Variants in MELK observed in about 807,000 individuals in gnomAD.
MELK encodes the protein maternal embryonic leucine zipper kinase, also known as pEg3 kinase.
In MELK, 81 loss-of-function variants were observed where a neutral mutation model predicts 85.0. The observed-to-expected ratio is 0.95, with a 90% confidence interval of 0.80 to 1.15. The LOEUF is 1.15. Ranked by LOEUF, MELK falls within the 50% of genes most tolerant of loss-of-function variation. The pLI is 0.00. For synonymous variants in MELK, 252 were observed against 265.0 expected (o/e 0.95, Z 0.48); for missense variants, 754 against 777.5 (o/e 0.97, Z 0.36).
intron 14 of MELK, 79 bp from the exon 15 acceptor site, chr9:36,669,231 C>T (rs3780133): frequency 3.4e-6 from 3 of 877,620 alleles, no homozygotes; most frequent in Non-Finnish European, 5.2e-6. Flanking sequence ...AATGTGATAC[C>T]TGCATTATTA....
chr9:36,642,741 A>C (rs1456691953), intron 10 of MELK, among the ~76,000 whole-genome samples: 1 of 152,000 alleles, frequency 6.6e-6, no homozygotes. Flanking sequence ...GTACAACCGA[A>C]CTTTAACAAC....
chr9:36,601,843 T>C (rs72733419), intron 7 of MELK, among the ~76,000 whole-genome samples: 32,542 of 152,204 alleles, frequency 0.21, 4,419 homozygotes, highest in Non-Finnish European at 0.31. Flanking sequence ...TGTGACTGGT[T>C]ATTTCACTTA....
intron 14 of MELK, among the ~76,000 whole-genome samples, chr9:36,668,427 G>A (rs1340333585): frequency 6.6e-6 from 1 of 152,110 alleles, no homozygotes; most frequent in African/African-American, 2.4e-5. Flanking sequence ...GTACAAATTT[G>A]TCATAAACTA....
chr9:36,652,648 T>A (rs142417986), intron 12 of MELK, among the ~76,000 whole-genome samples: 6,920 of 149,902 alleles, frequency 0.046, 209 homozygotes, highest in Non-Finnish European at 0.063. Flanking sequence ...GAGAATCGCT[T>A]GAACCCGAGA....
At chr9:36,643,331 T>C (rs1414653080) in intron 11 of MELK, among the ~76,000 whole-genome samples, 5 of 151,822 alleles carry the variant, frequency 3.3e-5, no homozygotes, top group African/African-American at 9.7e-5. Flanking sequence ...TGCAGTGAGC[T>C]GAGATCACAC....
chr9:36,674,769 C>G, intron 16 of MELK, 65 bp from the exon 17 acceptor site: 1 of 908,986 alleles, frequency 1.1e-6, no homozygotes, highest in East Asian at 2.4e-5. Context: ...AACTCTTGAT[C>G]TGGTGTGATG....
chr9:36,577,950 G>C (rs547994707), intron 1 of MELK, among the ~76,000 whole-genome samples: 70 of 152,206 alleles, frequency 4.6e-4, no homozygotes, highest in South Asian at 3.7e-3. Flanking sequence ...ACTGCGCCTG[G>C]CTGTTTTTTA....
rs750016508 is a variant in MELK, at chr9:36,596,563, GTTT to G, written c.406-653_406-651del. 1.4e-4 allele frequency among the ~76,000 whole-genome samples: 15 copies of G among 106,158 alleles called. 1 individual carries two copies. Among genetic ancestry groups the G allele is most frequent in the African/African-American group, 6.1e-4 (12 of 19,614 alleles). 69.6% of individuals were successfully genotyped at this position (106,158 alleles called of 152,430 possible). ...TGAGCCACTGCGCCCGGCCCTTTTT[GTTT>G]TTTTTGTTTTTTTTGTTTTTTTTGT... On this transcript the variant is annotated intron_variant, in intron 5 of 17. Coordinates refer to ENST00000298048, the MANE Select transcript of MELK (RefSeq NM_014791.4).
rs1267863690 is a variant in MELK at position 36,642,943 on chromosome 9, C to A, written c.835-54C>A. 4 of 1,272,088 alleles carry A rather than the reference C, an allele frequency of 3.1e-6. No individual in the cohort carries two copies. In the East Asian group the frequency reaches 7.7e-5, roughly 25 times the overall value. The allele number at this position is 1,272,088 out of a possible 1,614,324, so 78.8% of individuals were successfully genotyped here. On this transcript the variant is annotated intron_variant, in intron 10 of 17. Transcript: ENST00000298048. Reference sequence around the variant, plus strand: ...TTATGCTGATTTTAAAATGTGAAAACATTGAATATATTTGTAATTTTTTGT... The same window carrying A: ...TTATGCTGATTTTAAAATGTGAAAAAATTGAATATATTTGTAATTTTTTGT...
At chr9:36,584,741 A>G (rs1157274541) in intron 3 of MELK, among the ~76,000 whole-genome samples, 2 of 140,500 alleles carry the variant, frequency 1.4e-5, no homozygotes, top group African/African-American at 2.7e-5. Flanking sequence ...TTTTTTTGAG[A>G]CAGTCTCACT....
rs575650418 is a variant in MELK, at chr9:36,649,783, T to C, written c.922-1963T>C. Among the ~76,000 whole-genome samples, 7 of 151,642 alleles carry C rather than the reference T, an allele frequency of 4.6e-5. No individual in the cohort carries two copies. The South Asian group carries it at 1.5e-3, about 32-fold the overall frequency. On this transcript the variant is annotated intron_variant, in intron 11 of 17. Coordinates refer to ENST00000298048, the MANE Select transcript of MELK (RefSeq NM_014791.4). Reference sequence around the variant, plus strand: ...GACTCTATCTCAAAAAAAGGGAAAATAATGCAAGAAGAAATATTCCAGGCC... The same window carrying C: ...GACTCTATCTCAAAAAAAGGGAAAACAATGCAAGAAGAAATATTCCAGGCC...
chr9:36,614,432 T>TC (rs541151685), intron 8 of MELK, among the ~76,000 whole-genome samples: 2 of 145,436 alleles, frequency 1.4e-5, no homozygotes, highest in Non-Finnish European at 3.0e-5. Context: ...TGGGTTTTTT[T>TC]TTTTTTTTTT....
intron 10 of MELK, among the ~76,000 whole-genome samples, chr9:36,637,740 G>C (rs1829352050): frequency 6.6e-6 from 1 of 152,180 alleles, no homozygotes; most frequent in Admixed American, 6.5e-5. Flanking sequence ...GCTCGTCTTG[G>C]AAAGATAGAC....
At chr9:36,626,822 G>A (rs181421261) in intron 8 of MELK, among the ~76,000 whole-genome samples, 229 of 151,948 alleles carry the variant, frequency 1.5e-3, no homozygotes, top group African/African-American at 4.5e-3. Flanking sequence ...AGCTGGGGGT[G>A]GTGGCAGGCA....
At chr9:36,604,784 T>C (rs866941290) in intron 7 of MELK, among the ~76,000 whole-genome samples, 1 of 151,548 alleles carries the variant, frequency 6.6e-6, no homozygotes, top group Non-Finnish European at 1.5e-5. Context: ...GCTGGAATTA[T>C]AGGCATGTAC....
intron 13 of MELK, among the ~76,000 whole-genome samples, chr9:36,657,614 T>C (rs552263377): frequency 2.6e-4 from 40 of 152,318 alleles, no homozygotes; most frequent in African/African-American, 9.4e-4. Flanking sequence ...TTTTTGAGAC[T>C]GAGTCTTGCT....
intron 8 of MELK, among the ~76,000 whole-genome samples, chr9:36,613,805 T>G (rs913365488): frequency 6.6e-6 from 1 of 152,120 alleles, no homozygotes; most frequent in Non-Finnish European, 1.5e-5. Context: ...AGCCTGAGTT[T>G]AGCAAGTGAG....
Position 36,674,845 on chromosome 9 carries a change from C to T in MELK, c.1686C>T (p.Asn562=), listed in dbSNP as rs2274473. 1,360,933 of 1,565,810 alleles carry T rather than the reference C, an allele frequency of 0.87. 598,346 individuals are homozygous for T. The highest frequency in any genetic ancestry group is 0.9 in the Admixed American group (54,027 of 59,822). Residue 562 remains asparagine, a synonymous_variant, in exon 17 of 18, where the codon AAC becomes AAT. Transcript: ENST00000298048. ...TTTTCTTTTCTTAGCTTCACTATAACGTGACTACAACTAGATTAGTGAATC... is the reference window on the plus strand; with the variant it reads ...TTTTCTTTTCTTAGCTTCACTATAATGTGACTACAACTAGATTAGTGAATC... ...DGPRRLKLHY[N]VTTTRLVNPD...
intron 4 of MELK, among the ~76,000 whole-genome samples, chr9:36,591,478 G>A (rs1329906358): frequency 1.3e-5 from 2 of 152,174 alleles, no homozygotes; most frequent in Admixed American, 1.3e-4. Context: ...GGAGGCTGAG[G>A]TAGGAGGATC....
Sources: gnomAD v4.1 joint callset for allele counts (sites outside exome capture counted in the v4.1 genomes callset) on GRCh38, gnomAD v4.1.1 for gene constraint, MANE v1.5 for transcripts, NCBI Gene and HGNC (gene_info 2026-07-23, HGNC 2026-07-21) for gene names.